Variants in KCNB2 observed in about 807,000 individuals in gnomAD.
The protein encoded by KCNB2 is potassium voltage-gated channel subfamily B member 2, also known as delayed rectifier potassium channel protein.
In KCNB2, 15 loss-of-function variants were observed where a neutral mutation model predicts 61.5. That is an observed-to-expected ratio of 0.24 (90% CI 0.16 to 0.38). The LOEUF is 0.38. KCNB2 is among the 10% of genes least tolerant of loss of function. The pLI is 1.00. For missense variants in KCNB2, 828 were observed against 1,125.2 expected (o/e 0.74, Z 3.78); for synonymous variants, 457 against 446.0 (o/e 1.02, Z -0.31).
At chr8:72,561,790 CAT>C (rs11469723) in intron 1 of KCNB2, among the ~76,000 whole-genome samples, 12,263 of 40,336 alleles carry the variant, frequency 0.3, 3,202 homozygotes, top group East Asian at 0.71. Context: ...TATATATATA[CAT>C]ATATATATAT....
chr8:72,927,596 G>T (rs550672897), intron 2 of KCNB2, among the ~76,000 whole-genome samples: 1 of 152,132 alleles, frequency 6.6e-6, no homozygotes, highest in Non-Finnish European at 1.5e-5. Flanking sequence ...GCCTCTGCCT[G>T]CATTCAACCA....
In KCNB2 at chr8:72,688,561, TA is replaced by T. The variant is rs531869052; in HGVS notation, c.579+120250del. Among the ~76,000 whole-genome samples the T allele has an allele frequency of 6.7e-3, 1,024 of 152,230 alleles. 6 individuals are homozygous for T. The highest frequency in any genetic ancestry group is 0.01 in the Non-Finnish European group (688 of 68,022). ...GTTTGTCTGTCTCCCCACTGCACCATAAGTTTCTTAAGGGCAGAGACCAGGG... is the reference window on the plus strand; with the variant it reads ...GTTTGTCTGTCTCCCCACTGCACCATAGTTTCTTAAGGGCAGAGACCAGGG... On this transcript the variant is annotated intron_variant, in intron 2 of 2. Transcript: ENST00000523207.
rs1554539001 is a variant in KCNB2 at position 72,851,840 on chromosome 8, A to AAAAACAAAAC, written c.580-84091_580-84090insCAAAACAAAA. ...AGAAGCTGTAGGAAAAAAAAAAAAA[A>AAAAACAAAAC]AAAAAAAACACGTACTGCTGAGTTC... is the stretch of plus-strand genomic sequence containing the variant. On this transcript the variant is annotated intron_variant, in intron 2 of 2. Transcript: ENST00000523207. Among the ~76,000 whole-genome samples the AAAAACAAAAC allele has an allele frequency of 9.5e-4, 128 of 134,538 alleles. 2 individuals carry two copies. The highest frequency in any genetic ancestry group is 4.5e-3 in the Middle Eastern group (1 of 222). The allele number at this position is 134,538 out of a possible 152,430, so 88.3% of individuals were successfully genotyped here.
At chr8:72,838,658 G>A (rs7845289) in intron 2 of KCNB2, among the ~76,000 whole-genome samples, 1 of 152,074 alleles carries the variant, frequency 6.6e-6, no homozygotes, top group East Asian at 1.9e-4. Flanking sequence ...AATGGTATTT[G>A]TAGTTCTAGA....
chr8:72,816,353 T>C (rs1809396790), intron 2 of KCNB2, among the ~76,000 whole-genome samples: 1 of 152,158 alleles, frequency 6.6e-6, no homozygotes, highest in Non-Finnish European at 1.5e-5. Context: ...AATTTCCCTT[T>C]CAGTTGAAGC....
intron 2 of KCNB2, among the ~76,000 whole-genome samples, chr8:72,884,670 C>T (rs1203188924): frequency 2.6e-5 from 4 of 152,092 alleles, no homozygotes; most frequent in African/African-American, 7.2e-5. Flanking sequence ...TTATTGAAGA[C>T]TTTATCTTTT....
chr8:72,565,653 C>CAT (rs996091265), intron 1 of KCNB2, among the ~76,000 whole-genome samples: 2 of 151,158 alleles, frequency 1.3e-5, no homozygotes, highest in Non-Finnish European at 3.0e-5. Context: ...AATACACACA[C>CAT]ACACACACAA....
At chr8:72,689,684 G>A (rs1490434973) in intron 2 of KCNB2, among the ~76,000 whole-genome samples, 30 of 151,960 alleles carry the variant, frequency 2.0e-4, no homozygotes. Flanking sequence ...TTTTCCCTTG[G>A]CATAAGGTTT....
intron 2 of KCNB2, among the ~76,000 whole-genome samples, chr8:72,625,965 A>C (rs1324184317): frequency 6.6e-6 from 1 of 152,200 alleles, no homozygotes. Flanking sequence ...AAAGATACTG[A>C]AAAGCTTAAA....
At chr8:72,823,383 G>A (rs1322445629) in intron 2 of KCNB2, among the ~76,000 whole-genome samples, 1 of 152,140 alleles carries the variant, frequency 6.6e-6, no homozygotes, top group Non-Finnish European at 1.5e-5. Flanking sequence ...TGGGGAAGCA[G>A]GTTATCAAGC....
At chr8:72,592,762 A>T (rs1373892087) in intron 2 of KCNB2, among the ~76,000 whole-genome samples, 1 of 152,188 alleles carries the variant, frequency 6.6e-6, no homozygotes, top group Non-Finnish European at 1.5e-5. Flanking sequence ...CTGAAGGTCC[A>T]TGCTAGACAT....
At chr8:72,599,254 T>C (rs1807250281) in intron 2 of KCNB2, among the ~76,000 whole-genome samples, 2 of 152,056 alleles carry the variant, frequency 1.3e-5, no homozygotes, top group Non-Finnish European at 1.5e-5. Flanking sequence ...AACAGAGATA[T>C]AGACCAATGG....
intron 2 of KCNB2, chr8:72,750,893 T>C (rs1471957987): frequency 2.0e-5 from 3 of 152,114 alleles, no homozygotes; most frequent in Admixed American, 6.6e-5. Flanking sequence ...TATCCTTCTC[T>C]CCAGTTTCAG....
intron 2 of KCNB2, among the ~76,000 whole-genome samples, chr8:72,685,394 C>T (rs1024774276): frequency 2.0e-5 from 3 of 152,032 alleles, no homozygotes; most frequent in South Asian, 2.1e-4. Context: ...TTATTAAGTT[C>T]GTGCGATATG....
intron 2 of KCNB2, among the ~76,000 whole-genome samples, chr8:72,685,117 CCTT>C (rs1806828789): frequency 6.6e-6 from 1 of 152,068 alleles, no homozygotes; most frequent in South Asian, 2.1e-4. Flanking sequence ...AATATTATAT[CCTT>C]CTTAAAAGTC....
chr8:72,897,885 C>A (rs1490874498), intron 2 of KCNB2, among the ~76,000 whole-genome samples: 1 of 152,128 alleles, frequency 6.6e-6, no homozygotes, highest in African/African-American at 2.4e-5. Flanking sequence ...ACCCTGTTCT[C>A]AGATATGGAG....
chr8:72,922,902 G>A (rs1057108268), intron 2 of KCNB2, among the ~76,000 whole-genome samples: 1 of 152,154 alleles, frequency 6.6e-6, no homozygotes, highest in African/African-American at 2.4e-5. Context: ...TGGGTCCCAA[G>A]GTGGTTGGGC....
At chr8:72,726,484 A>G (rs1331343811) in intron 2 of KCNB2, among the ~76,000 whole-genome samples, 1 of 152,244 alleles carries the variant, frequency 6.6e-6, no homozygotes, top group Non-Finnish European at 1.5e-5. Flanking sequence ...ATTCTTTAGC[A>G]GACTTGTAAT....
chr8:72,630,368 A>G (rs1805860060), intron 2 of KCNB2, among the ~76,000 whole-genome samples: 1 of 152,182 alleles, frequency 6.6e-6, no homozygotes. Flanking sequence ...TTCTTAAACC[A>G]TAGAATTTTT....
Sources: allele counts gnomAD v4.1 joint callset (sites outside exome capture counted in the v4.1 genomes callset), GRCh38; gene constraint gnomAD v4.1.1; transcripts MANE v1.5; gene names NCBI Gene and HGNC (gene_info 2026-07-23, HGNC 2026-07-21).